Variants in MSH3 observed in about 807,000 individuals in gnomAD.
The protein encoded by MSH3 is DNA mismatch repair protein Msh3.
MSH3 carries 106 observed loss-of-function variants against 123.3 expected under a neutral mutation model. That is an observed-to-expected ratio of 0.86 (90% confidence interval 0.73 to 1.01). The LOEUF (loss-of-function observed/expected upper bound fraction) is 1.01. MSH3 is among the 50% of genes least tolerant of loss of function. The pLI is 0.00. For missense variants in MSH3, 1,459 were observed against 1,347.6 expected (o/e 1.08, Z -1.29); for synonymous variants, 515 against 481.4 (o/e 1.07, Z -0.91).
chr5:80,778,662 G>A, intron 16 of MSH3, 58 bp from the exon 17 acceptor site: 1 of 925,370 alleles, frequency 1.1e-6, no homozygotes, highest in Non-Finnish European at 1.8e-6. Flanking sequence ...TAAAGTGATG[G>A]CATTTCGGAT....
chr5:80,777,063 C>A (rs2112005462), intron 16 of MSH3, among the ~76,000 whole-genome samples: 1 of 151,844 alleles, frequency 6.6e-6, no homozygotes, highest in South Asian at 2.1e-4. Flanking sequence ...TCCCAAGTAG[C>A]TGGGATTACA....
intron 19 of MSH3, among the ~76,000 whole-genome samples, chr5:80,803,455 G>A (rs1744827529): frequency 6.9e-6 from 1 of 144,496 alleles, no homozygotes. Flanking sequence ...TGAGCTCCTT[G>A]TATAGTCTGG....
At chr5:80,697,868 A>G (rs1012334961) in intron 8 of MSH3, among the ~76,000 whole-genome samples, 1 of 152,180 alleles carries the variant, frequency 6.6e-6, no homozygotes, top group African/African-American at 2.4e-5. Context: ...TAAATTGGAT[A>G]CCAGGAAATT....
Position 80,792,760 on chromosome 5 carries a change from T to A in MSH3, c.2571T>A (p.Ile857=), listed in dbSNP as rs781196482. The change falls in exon 19 of 24, where the codon ATT becomes ATA. Residue 857 remains isoleucine, a synonymous_variant. Coordinates refer to ENST00000265081, the MANE Select transcript of MSH3 (RefSeq NM_002439.5). ...CRPTVQEERK[I]VIKNGRHPVI... is the part of the protein sequence containing the mutation. ...CAACTGTACAAGAAGAAAGAAAAAT[T>A]GTAATAAAAAATGGAAGGCACCCTG... 5.6e-6 allele frequency: 9 copies of A among 1,612,870 alleles called. No individual in the cohort carries two copies. Among genetic ancestry groups the A allele is most frequent in the Non-Finnish European group, 7.6e-6 (9 of 1,179,132 alleles).
chr5:80,772,404 A>G (rs748462437), intron 15 of MSH3, among the ~76,000 whole-genome samples: 17 of 152,194 alleles, frequency 1.1e-4, no homozygotes, highest in Non-Finnish European at 1.8e-4. Flanking sequence ...AGAAAACAGC[A>G]GTTTCTGGAG....
At chr5:80,835,878 G>A (rs772052885) in intron 20 of MSH3, among the ~76,000 whole-genome samples, 10 of 151,782 alleles carry the variant, frequency 6.6e-5, no homozygotes, top group African/African-American at 1.5e-4. Context: ...TTGCACCACC[G>A]TACTCCAGCC....
intron 20 of MSH3, among the ~76,000 whole-genome samples, chr5:80,833,228 C>T (rs1745450077): frequency 6.6e-6 from 1 of 151,810 alleles, no homozygotes; most frequent in South Asian, 2.1e-4. Flanking sequence ...ATAACTGTAA[C>T]CTTCTGTCTA....
chr5:80,665,802 T>C (rs1749556017), intron 3 of MSH3, among the ~76,000 whole-genome samples: 1 of 152,306 alleles, frequency 6.6e-6, no homozygotes, highest in Admixed American at 6.5e-5. Flanking sequence ...CAAATGAACA[T>C]GGGCTTTTTA....
intron 8 of MSH3, among the ~76,000 whole-genome samples, chr5:80,679,542 T>C (rs1293515231): frequency 2.6e-5 from 4 of 152,248 alleles, no homozygotes; most frequent in Admixed American, 2.0e-4. Context: ...TAGAGTTCAC[T>C]TCTTACAAAG....
At position 80,669,970 on chromosome 5, in the gene MSH3, T is replaced by G; in HGVS notation, c.580-127T>G. On this transcript the variant is annotated intron_variant, in intron 3 of 23. Transcript: ENST00000265081. ...GATAGTTTGCCGGAATGCTACAATG[T>G]GCTTCTATAAACTTTTCATCTAGAT... 5.9e-6 allele frequency: 5 copies of G among 841,738 alleles called. No individual in the cohort carries two copies. The South Asian group carries it at 7.7e-5, about 13-fold the overall frequency. 52.1% of individuals were successfully genotyped at this position (841,738 alleles called of 1,614,324 possible).
intron 20 of MSH3, among the ~76,000 whole-genome samples, chr5:80,815,783 A>G (rs2112057629): frequency 6.6e-6 from 1 of 152,352 alleles, no homozygotes; most frequent in Admixed American, 6.5e-5. Flanking sequence ...TTGCAAGGAA[A>G]ACAGAAAATA....
intron 19 of MSH3, among the ~76,000 whole-genome samples, chr5:80,809,490 ATTTTTTCT>A (rs748577736): frequency 1.4e-4 from 22 of 152,244 alleles, no homozygotes; most frequent in Middle Eastern, 6.8e-3. Context: ...AAAAGTGTAT[ATTTTTTCT>A]TTTTTTCTCA....
chr5:80,710,003 C>T (rs1750826402), intron 8 of MSH3, among the ~76,000 whole-genome samples: 1 of 152,176 alleles, frequency 6.6e-6, no homozygotes, highest in Non-Finnish European at 1.5e-5. Flanking sequence ...CTTTCTTACC[C>T]AATTACATCT....
intron 12 of MSH3, among the ~76,000 whole-genome samples, chr5:80,758,044 T>C (rs1185036021): frequency 6.6e-6 from 1 of 152,180 alleles, no homozygotes; most frequent in Non-Finnish European, 1.5e-5. Flanking sequence ...CCATAATTAT[T>C]AATAGTTACA....
At chr5:80,714,129 AC>A (rs1750908819) in intron 8 of MSH3, among the ~76,000 whole-genome samples, 1 of 113,320 alleles carries the variant, frequency 8.8e-6, no homozygotes, top group African/African-American at 3.3e-5. Flanking sequence ...TTTCAAATAG[AC>A]TTTTTTTTTT....
chr5:80,662,860 A>G (rs1284821603), intron 2 of MSH3, among the ~76,000 whole-genome samples: 10 of 152,132 alleles, frequency 6.6e-5, no homozygotes, highest in Non-Finnish European at 1.3e-4. Context: ...GGAAGCAAGA[A>G]TTGCAATTTG....
intron 10 of MSH3, among the ~76,000 whole-genome samples, chr5:80,737,084 T>C (rs1192108847): frequency 1.3e-5 from 2 of 152,202 alleles, no homozygotes; most frequent in Non-Finnish European, 2.9e-5. Context: ...TTAGTCATGT[T>C]GTTTAATTAC....
chr5:80,802,580 T>A (rs1003868753), intron 19 of MSH3, among the ~76,000 whole-genome samples: 10 of 152,160 alleles, frequency 6.6e-5, no homozygotes, highest in Non-Finnish European at 1.3e-4. Context: ...TTACAAACAA[T>A]CCAGTTATAC....
chr5:80,875,522 AT>A (rs1233116682), intron 23 of MSH3, among the ~76,000 whole-genome samples: 2 of 152,022 alleles, frequency 1.3e-5, no homozygotes, highest in Admixed American at 1.3e-4. Context: ...AGGGGTAAGG[AT>A]TTTAGGAGAA....
Sources: gnomAD v4.1 joint callset for allele counts (sites outside exome capture counted in the v4.1 genomes callset) on GRCh38, gnomAD v4.1.1 for gene constraint, MANE v1.5 for transcripts, NCBI Gene and HGNC (gene_info 2026-07-23, HGNC 2026-07-21) for gene names.